The following PDS5A variants were observed in gnomAD, a reference collection of about 807,000 sequenced individuals.
PDS5A encodes PDS5 cohesin associated factor A.
In PDS5A, 42 loss-of-function variants were observed where a neutral mutation model predicts 167.1. The ratio of observed to expected loss-of-function variants is 0.25; its 90% CI spans 0.20 to 0.33. The LOEUF (loss-of-function observed/expected upper bound fraction) is 0.33, where lower values mean the gene tolerates loss of function less well. PDS5A is among the 10% of genes least tolerant of loss of function. PDS5A has a pLI of 1.00. For synonymous variants in PDS5A, 553 were observed against 554.6 expected (o/e 1.00, Z 0.04); for missense variants, 1,033 against 1,605.9 (o/e 0.64, Z 6.10).
intron 32 of PDS5A, chr4:39,837,378 T>C (rs1378654584): frequency 1.3e-5 from 2 of 154,468 alleles, no homozygotes; most frequent in East Asian, 3.8e-4. Context: ...GATGAACAGT[T>C]TGGTAAGTTG....
At chr4:39,899,790 C>G (rs1722718797) in intron 14 of PDS5A, among the ~76,000 whole-genome samples, 1 of 145,124 alleles carries the variant, frequency 6.9e-6, no homozygotes, top group Non-Finnish European at 1.5e-5. Flanking sequence ...ATCGAGGCTG[C>G]AGTGAGCTGT....
intron 2 of PDS5A, among the ~76,000 whole-genome samples, chr4:39,957,377 T>C (rs930755607): frequency 1.2e-4 from 19 of 152,028 alleles, no homozygotes; most frequent in African/African-American, 4.3e-4. Flanking sequence ...CATATTATAA[T>C]TAAGTACATA....
chr4:39,928,845 T>G (rs953937752), intron 2 of PDS5A, among the ~76,000 whole-genome samples: 11 of 147,918 alleles, frequency 7.4e-5, no homozygotes, highest in African/African-American at 2.5e-4. Flanking sequence ...AAAAAAGGCA[T>G]TTTAAAATTA....
chr4:39,962,247 G>A (rs1008019614), intron 2 of PDS5A, among the ~76,000 whole-genome samples: 7 of 151,874 alleles, frequency 4.6e-5, no homozygotes, highest in Admixed American at 1.3e-4. Context: ...TAGTAGAGAC[G>A]GGGTTTCACT....
chr4:39,959,166 T>G (rs1385733581), intron 2 of PDS5A, among the ~76,000 whole-genome samples: 1 of 152,216 alleles, frequency 6.6e-6, no homozygotes. Context: ...TAATCTCACA[T>G]GAAAATCCAT....
intron 26 of PDS5A, among the ~76,000 whole-genome samples, chr4:39,858,230 A>G (rs1718696032): frequency 6.6e-6 from 1 of 152,244 alleles, no homozygotes; most frequent in African/African-American, 2.4e-5. Context: ...AAATATAGAT[A>G]AATGCAACCT....
chr4:39,896,325 T>A, intron 16 of PDS5A, among the ~76,000 whole-genome samples: 1 of 150,458 alleles, frequency 6.6e-6, no homozygotes. Flanking sequence ...AGATTACAGG[T>A]GTGAGCCAAT....
chr4:39,888,015 G>C (rs1721630820), intron 17 of PDS5A, among the ~76,000 whole-genome samples: 1 of 152,128 alleles, frequency 6.6e-6, no homozygotes, highest in Non-Finnish European at 1.5e-5. Context: ...ACTTTGGGAG[G>C]CTGAGGCGGG....
chr4:39,874,934 C>T (rs538877612), intron 19 of PDS5A, among the ~76,000 whole-genome samples: 3 of 152,206 alleles, frequency 2.0e-5, no homozygotes, highest in African/African-American at 4.8e-5. Context: ...TGCCAGGCAC[C>T]ATTCTAGGTA....
intron 2 of PDS5A, among the ~76,000 whole-genome samples, chr4:39,947,905 TAA>T (rs1727926743): frequency 5.3e-5 from 8 of 152,162 alleles, no homozygotes; most frequent in Admixed American, 5.2e-4. Context: ...AACTTCAACA[TAA>T]GTTTTGGTGA....
At chr4:39,839,966 T>C (rs1043658211) in intron 31 of PDS5A, among the ~76,000 whole-genome samples, 2 of 151,372 alleles carry the variant, frequency 1.3e-5, no homozygotes, top group South Asian at 2.1e-4. Flanking sequence ...TGGTGGTGCG[T>C]GCCTGTAATC....
At chr4:39,961,774 A>G (rs1422889190) in intron 2 of PDS5A, among the ~76,000 whole-genome samples, 2 of 152,222 alleles carry the variant, frequency 1.3e-5, no homozygotes, top group Non-Finnish European at 1.5e-5. Context: ...CAACAGAAAT[A>G]AAATTCATTA....
Position 39,869,386 on chromosome 4 carries a change from A to T in PDS5A, c.2505+8T>A. 6.4e-7 allele frequency: 1 copy of T among 1,553,702 alleles called. No homozygotes were observed. On this transcript the variant is annotated splice_region_variant and intron_variant, in intron 22 of 32. Coordinates refer to ENST00000303538, the MANE Select transcript of PDS5A (RefSeq NM_001100399.2). The stretch of plus-strand genomic sequence containing the variant: ...ACATGAAGATTATCAAGGCCTAAAC[A>T]AATTTACCTTTGCTAGTACTTCAGG...
At chr4:39,895,721 T>G (rs1722348850) in intron 16 of PDS5A, among the ~76,000 whole-genome samples, 1 of 152,156 alleles carries the variant, frequency 6.6e-6, no homozygotes, top group African/African-American at 2.4e-5. Context: ...TGTTTTTGTT[T>G]GATTGTTTGT....
At chr4:39,877,526 C>G (rs1003222626) in intron 18 of PDS5A, among the ~76,000 whole-genome samples, 3 of 152,184 alleles carry the variant, frequency 2.0e-5, no homozygotes, top group Non-Finnish European at 4.4e-5. Flanking sequence ...GGAATGCTTA[C>G]TTGAGATAAA....
intron 2 of PDS5A, among the ~76,000 whole-genome samples, chr4:39,955,592 C>T (rs2109795910): frequency 6.6e-6 from 1 of 151,902 alleles, no homozygotes; most frequent in Admixed American, 6.6e-5. Context: ...CAGAGCGAGA[C>T]TCTGTCATAA....
At chr4:39,841,401 TGCTGGGATTACAG>T (rs930200326) in intron 31 of PDS5A, among the ~76,000 whole-genome samples, 4 of 152,182 alleles carry the variant, frequency 2.6e-5, no homozygotes, top group African/African-American at 9.7e-5. Flanking sequence ...CCTCCCAAAG[TGCTGGGATTACAG>T]GCATGAGCCA....
intron 17 of PDS5A, among the ~76,000 whole-genome samples, chr4:39,886,888 T>G (rs1414335551): frequency 1.3e-5 from 2 of 152,106 alleles, no homozygotes; most frequent in African/African-American, 4.8e-5. Flanking sequence ...TTGTAGCTAT[T>G]ATAAATAAGA....
intron 2 of PDS5A, among the ~76,000 whole-genome samples, chr4:39,967,601 C>A (rs1270868898): frequency 6.6e-6 from 1 of 151,652 alleles, no homozygotes; most frequent in Non-Finnish European, 1.5e-5. Context: ...GAGCCAAGAT[C>A]GCGCCACTGC....
Sources: allele counts gnomAD v4.1 joint callset (sites outside exome capture counted in the v4.1 genomes callset), GRCh38; gene constraint gnomAD v4.1.1; transcripts MANE v1.5; gene names NCBI Gene and HGNC (gene_info 2026-07-23, HGNC 2026-07-21).